The following NDRG2 variants were observed in gnomAD, a reference collection of about 807,000 sequenced individuals.
NDRG2 encodes the protein protein NDRG2.
Under a neutral mutation model 58.2 loss-of-function variants are expected in NDRG2, and 34 were observed. That is an observed-to-expected ratio of 0.58 (90% CI 0.44 to 0.78). NDRG2 has a LOEUF of 0.78. Among genes scored for constraint, NDRG2 ranks in the 30% least tolerant of loss-of-function variants. NDRG2 has a pLI of 0.00. For missense variants in NDRG2, 434 were observed against 471.2 expected, an observed-to-expected ratio of 0.92 and a Z score of 0.73; for synonymous variants, 187 against 175.9, an observed-to-expected ratio of 1.06 and a Z score of -0.50.
chr14:21,031,165 T>G, intron 1 of NDRG2: 1 of 1,613,376 alleles, frequency 6.2e-7, no homozygotes, highest in Non-Finnish European at 8.5e-7. Context: ...CTGGCGCTAC[T>G]GTGAGTGACA....
rs150476292 is a variant in NDRG2 at position 21,023,273 on chromosome 14, G to C, written c.43C>G (p.Leu15Val). 38 of 1,613,902 alleles carry C rather than the reference G, an allele frequency of 2.4e-5. No individual in the cohort carries two copies. The highest frequency in any genetic ancestry group is 3.0e-5 in the Non-Finnish European group (35 of 1,179,968). Residue 15 changes from leucine to valine, a missense_variant, in exon 2 of 16, where the codon CTG (leucine) becomes GTG (valine). Leu to Val is a conservative substitution (Grantham distance 32, BLOSUM62 1). Transcript: ENST00000556147. The stretch of plus-strand genomic sequence containing the variant: ...GCCTCAGGCGTCTGTCCTGGCAACA[G>C]TGGCTTCTCCTCTGTGATCTGCACC... Reference protein sequence around the residue: ...QEVQITEEKPLLPGQTPEAAK... With the variant: ...QEVQITEEKPVLPGQTPEAAK...
chr14:21,025,461 G>C, upstream of NDRG2: 1 of 985,492 alleles, frequency 1.0e-6, no homozygotes, highest in Non-Finnish European at 1.2e-6. This position sits in a 1 kb window ranked among gnomAD's most constrained non-coding sequence, Gnocchi z 5.1. Context: ...CCGGTAGTGG[G>C]GAGACGAACC....
chr14:21,058,046 T>C, intron 1 of NDRG2: 1 of 1,614,086 alleles, frequency 6.2e-7, no homozygotes, highest in South Asian at 1.1e-5. Context: ...AGCATGCAAC[T>C]CAGCCATGAG....
chr14:21,045,501 T>A (rs1178202320), intron 1 of NDRG2, among the ~76,000 whole-genome samples: 1 of 152,228 alleles, frequency 6.6e-6, no homozygotes, highest in South Asian at 2.1e-4. Flanking sequence ...ACATTTACCA[T>A]CCTAAAGAGA....
chr14:21,060,457 T>A (rs111486954), intron 1 of NDRG2, among the ~76,000 whole-genome samples: 5 of 152,166 alleles, frequency 3.3e-5, no homozygotes, highest in Admixed American at 1.3e-4. Flanking sequence ...CAGGCTCCAC[T>A]TCCTGCGGCT....
chr14:21,066,870 A>C (rs1382185592), intron 1 of NDRG2, among the ~76,000 whole-genome samples: 2 of 152,234 alleles, frequency 1.3e-5, no homozygotes, highest in Non-Finnish European at 2.9e-5. Flanking sequence ...AATAGAACTG[A>C]TATATATTTA....
intron 1 of NDRG2, among the ~76,000 whole-genome samples, chr14:21,035,412 C>T (rs566539846): frequency 5.3e-5 from 8 of 152,158 alleles, no homozygotes; most frequent in African/African-American, 9.7e-5. Context: ...GAAAGGGCCA[C>T]GCTCCTATCT....
chr14:21,023,435 G>A, intron 1 of NDRG2, 114 bp from the exon 2 acceptor site: 1 of 888,672 alleles, frequency 1.1e-6, no homozygotes, highest in East Asian at 2.6e-5. Context: ...GGACCCAGGG[G>A]TTGAAGACTA....
chr14:21,020,293 CAAAA>C (rs11325826), intron 8 of NDRG2, 199 bp downstream of exon 8: 1,575 of 387,062 alleles, frequency 4.1e-3, no homozygotes, highest in Middle Eastern at 5.5e-3. Context: ...GACACCATCT[CAAAA>C]AAAAAAAAAA....
In NDRG2 at chr14:21,017,360, G is replaced by A; in HGVS notation, c.*236C>T. 1 of 573,246 alleles carries A rather than the reference G, an allele frequency of 1.7e-6. No homozygotes were observed. The allele number at this position is 573,246 out of a possible 1,614,324, so 35.5% of individuals were successfully genotyped here. ...TCCACCTTAACATCAAAATGGGGGA[G>A]GAGGAGAATTTAGGGGTCTGGGTCC... On this transcript the variant is annotated 3_prime_UTR_variant, in exon 16 of 16. Coordinates refer to ENST00000556147, the MANE Select transcript of NDRG2 (RefSeq NM_001320329.2).
rs369082646 is a variant in NDRG2 at position 21,049,769 on chromosome 14, T to C, written c.24+21059A>G. Among the ~76,000 whole-genome samples the C allele has an allele frequency of 5.3e-5, 8 of 150,088 alleles. No individual in the cohort carries two copies. The East Asian group carries it at 1.4e-3, about 25-fold the overall frequency. ...ATGGATCTCAGACATCTTTCTTCTT[T>C]TTTTTTTTTTTTTGAGATAGAGTCT... On this transcript the variant is annotated intron_variant, in intron 1 of 14. Transcript: ENST00000403829.
At chr14:21,020,691 T>G in intron 7 of NDRG2, 93 bp downstream of exon 7, 3 of 1,583,924 alleles carry the variant, frequency 1.9e-6, no homozygotes, top group East Asian at 4.5e-5. Context: ...CCCCACCTAG[T>G]GCCCACTTCC....
chr14:21,030,567 G>A (rs182336208), upstream of NDRG2: 78 of 1,610,160 alleles, frequency 4.8e-5, 1 homozygote, highest in East Asian at 9.8e-4. Context: ...TGCCCTCCCC[G>A]ACCTCTAGCT....
intron 1 of NDRG2, among the ~76,000 whole-genome samples, chr14:21,066,064 A>G (rs995514216): frequency 2.6e-5 from 4 of 152,058 alleles, no homozygotes; most frequent in African/African-American, 9.7e-5. Context: ...GCAACACTGC[A>G]CTCCAGCCTG....
At chr14:21,026,513 A>G (rs895036404), upstream of NDRG2, among the ~76,000 whole-genome samples, 8 of 43,762 alleles carry the variant, frequency 1.8e-4, no homozygotes, top group African/African-American at 7.5e-4. Flanking sequence ...CCCTCCCACC[A>G]CCACCCTCAC....
intron 8 of NDRG2, chr14:21,020,275 C>G: frequency 4.0e-6 from 2 of 495,194 alleles, no homozygotes; most frequent in South Asian, 2.5e-5. Context: ...GCCTTGGCAA[C>G]AGAGTGAGAC....
chr14:21,070,434 G>T lies in NDRG2; in HGVS notation c.24+394C>A. ...GCGTCGCAGCCCCCTGGGTCCCCTC[G>T]GCCTTCGCGCAGCCCGCTCCGGGCC... is the stretch of plus-strand genomic sequence containing the variant. On this transcript the variant is annotated intron_variant, in intron 1 of 14. Coordinates refer to the NDRG2 transcript ENST00000403829. The surrounding 1 kb of genome is among the most constrained non-coding windows in gnomAD (Gnocchi z 4.7). 7.2e-7 allele frequency: 1 copy of T among 1,392,074 alleles called. No homozygotes were observed. The allele number at this position is 1,392,074 out of a possible 1,614,324, so 86.2% of individuals were successfully genotyped here. A position where few individuals can be genotyped will look rare whatever the true frequency, so the allele number is the denominator to read the frequency against.
In NDRG2 at chr14:21,021,800, G is replaced by A. The variant is rs778183969; in HGVS notation, c.407+17C>T. On this transcript the variant is annotated intron_variant, in intron 6 of 15. Transcript: ENST00000556147. ...GGAAAGAGAACTCTGGTTTGGAGGG[G>A]TTCCCAGGCCTCTCACTTTAGGTAC... 1.2e-6 allele frequency: 2 copies of A among 1,609,408 alleles called. No homozygotes were observed. The highest frequency in any genetic ancestry group is 1.7e-5 in the Admixed American group (1 of 59,464).
intron 7 of NDRG2, 66 bp from the exon 8 acceptor site, chr14:21,020,648 C>T (rs556529113): frequency 1.7e-5 from 27 of 1,586,312 alleles, no homozygotes; most frequent in East Asian, 1.1e-4. Context: ...CCGCTAAGCT[C>T]GACCCACTCC....
Sources: allele counts gnomAD v4.1 joint callset (sites outside exome capture counted in the v4.1 genomes callset), GRCh38; gene constraint gnomAD v4.1.1; non-coding constraint Gnocchi (gnomAD v3.1); transcripts MANE v1.5; gene names NCBI Gene and HGNC (gene_info 2026-07-23, HGNC 2026-07-21).